The following MYO1B variants were observed in gnomAD, a reference collection of about 807,000 sequenced individuals.
The protein encoded by MYO1B is myosin IB, also known as unconventional myosin-Ib.
A neutral mutation model predicts 159.7 loss-of-function variants in MYO1B; 72 were observed. The observed-to-expected ratio is 0.45, with a 90% CI of 0.37 to 0.55. The LOEUF (loss-of-function observed/expected upper bound fraction) is 0.55, where lower values mean the gene tolerates loss of function less well. MYO1B is among the 20% of genes least tolerant of loss of function. MYO1B has a pLI of 0.00. For synonymous variants in MYO1B, 468 were observed against 473.8 expected (o/e 0.99, Z 0.16); for missense variants, 1,062 against 1,364.8 (o/e 0.78, Z 3.50).
At chr2:191,378,718 G>T (rs1032816420) in intron 13 of MYO1B, among the ~76,000 whole-genome samples, 1 of 152,018 alleles carries the variant, frequency 6.6e-6, no homozygotes, top group Non-Finnish European at 1.5e-5. Context: ...GCGTTGGGAC[G>T]GCGAAAATTT....
intron 11 of MYO1B, among the ~76,000 whole-genome samples, chr2:191,369,205 C>A (rs1694204695): frequency 6.6e-6 from 1 of 152,074 alleles, no homozygotes; most frequent in Non-Finnish European, 1.5e-5. Context: ...TGTAACATTA[C>A]TCTCAGTGCA....
At chr2:191,407,653 TTTAA>T (rs1697006523) in intron 24 of MYO1B, 1 of 152,302 alleles carries the variant, frequency 6.6e-6, no homozygotes, top group Non-Finnish European at 1.5e-5. Flanking sequence ...AAAGCTTCTA[TTTAA>T]ATTCTTAGCC....
intron 1 of MYO1B, among the ~76,000 whole-genome samples, chr2:191,254,848 T>C (rs1686341189): frequency 6.6e-6 from 1 of 152,194 alleles, no homozygotes; most frequent in African/African-American, 2.4e-5. Flanking sequence ...CTTTTAGTTA[T>C]TTAATGTGTT....
intron 3 of MYO1B, among the ~76,000 whole-genome samples, chr2:191,302,673 G>T (rs544942152): frequency 2.1e-4 from 32 of 152,288 alleles, no homozygotes; most frequent in African/African-American, 7.2e-4. Flanking sequence ...AGTGAGCTGA[G>T]ATGTGTCCTT....
intron 4 of MYO1B, among the ~76,000 whole-genome samples, chr2:191,331,742 G>A (rs760098676): frequency 4.6e-5 from 7 of 152,146 alleles, no homozygotes; most frequent in Non-Finnish European, 7.4e-5. Context: ...ATATATGCAC[G>A]TACCTATACA....
chr2:191,334,926 G>A (rs1408988648), intron 4 of MYO1B, among the ~76,000 whole-genome samples: 1 of 152,112 alleles, frequency 6.6e-6, no homozygotes, highest in East Asian at 1.9e-4. Context: ...TAGTACAGAA[G>A]CTTTTAAAAG....
At chr2:191,376,790 A>G (rs977209009) in intron 13 of MYO1B, among the ~76,000 whole-genome samples, 3 of 152,112 alleles carry the variant, frequency 2.0e-5, no homozygotes, top group African/African-American at 7.2e-5. Flanking sequence ...CAGAGCTGCC[A>G]CTTCTATTTA....
At chr2:191,321,601 A>G (rs773820396) in intron 3 of MYO1B, among the ~76,000 whole-genome samples, 37 of 152,282 alleles carry the variant, frequency 2.4e-4, no homozygotes, top group African/African-American at 5.3e-4. Flanking sequence ...CTCCAAATCA[A>G]TGTGTTTGGT....
At chr2:191,246,320 A>T (rs1685791304) in intron 1 of MYO1B, 1 of 152,224 alleles carries the variant, frequency 6.6e-6, no homozygotes, top group Non-Finnish European at 1.5e-5. Context: ...GGCCGGGAAG[A>T]GAGTTGGGGA....
intron 1 of MYO1B, among the ~76,000 whole-genome samples, chr2:191,261,231 TAC>T (rs1173179587): frequency 6.6e-6 from 1 of 152,166 alleles, no homozygotes; most frequent in Non-Finnish European, 1.5e-5. Flanking sequence ...TATAGTTTAA[TAC>T]AATGATTTTA....
At chr2:191,310,017 G>A (rs1689898569) in intron 3 of MYO1B, among the ~76,000 whole-genome samples, 1 of 152,226 alleles carries the variant, frequency 6.6e-6, no homozygotes, top group Non-Finnish European at 1.5e-5. Context: ...TGGGAGAGCT[G>A]CTGTTGGTTA....
intron 29 of MYO1B, among the ~76,000 whole-genome samples, chr2:191,415,585 T>G (rs1697508895): frequency 6.6e-6 from 1 of 150,848 alleles, no homozygotes; most frequent in Non-Finnish European, 1.5e-5. Context: ...GCATCATGTT[T>G]TTTTTTTTGT....
chr2:191,253,988 G>C (rs1686284442), intron 1 of MYO1B, among the ~76,000 whole-genome samples: 1 of 152,130 alleles, frequency 6.6e-6, no homozygotes, highest in Non-Finnish European at 1.5e-5. Flanking sequence ...GTGCTTCATG[G>C]TTTCTGTGGT....
chr2:191,272,818 A>G (rs1687534314), intron 1 of MYO1B, among the ~76,000 whole-genome samples: 2 of 152,200 alleles, frequency 1.3e-5, no homozygotes, highest in African/African-American at 4.8e-5. Context: ...AATAGCGAAG[A>G]TGATCATCTT....
chr2:191,263,154 C>T (rs1686926203), intron 1 of MYO1B: 1 of 166,842 alleles, frequency 6.0e-6, no homozygotes, highest in African/African-American at 2.4e-5. Flanking sequence ...ATGATGGACT[C>T]TCGATCAACT....
intron 3 of MYO1B, among the ~76,000 whole-genome samples, chr2:191,324,340 G>A (rs1187127572): frequency 6.6e-6 from 1 of 150,584 alleles, no homozygotes; most frequent in Non-Finnish European, 1.5e-5. Context: ...CCTATTCTTG[G>A]CTTCTTTTGG....
chr2:191,356,276 T>C (rs1205351563), intron 7 of MYO1B, among the ~76,000 whole-genome samples: 1 of 151,572 alleles, frequency 6.6e-6, no homozygotes, highest in Non-Finnish European at 1.5e-5. Flanking sequence ...CTTTTTAGGG[T>C]CACAAATCAA....
chr2:191,319,702 T>C (rs1174717889), intron 3 of MYO1B, among the ~76,000 whole-genome samples: 1 of 152,170 alleles, frequency 6.6e-6, no homozygotes, highest in Non-Finnish European at 1.5e-5. Flanking sequence ...AAGACATCTA[T>C]CTCTCTGGTG....
At chr2:191,282,735 G>A (rs1688138629) in intron 2 of MYO1B, among the ~76,000 whole-genome samples, 1 of 152,154 alleles carries the variant, frequency 6.6e-6, no homozygotes. Flanking sequence ...CTTTACCCAG[G>A]TAATCCAGAC....
Sources: gnomAD v4.1 joint callset for allele counts (sites outside exome capture counted in the v4.1 genomes callset) on GRCh38, gnomAD v4.1.1 for gene constraint, MANE v1.5 for transcripts, NCBI Gene and HGNC (gene_info 2026-07-23, HGNC 2026-07-21) for gene names.